Variants in BTK observed in about 807,000 individuals in gnomAD.
BTK encodes the protein tyrosine-protein kinase BTK.
A neutral mutation model predicts 57.4 loss-of-function variants in BTK; 5 were observed. The ratio of observed to expected loss-of-function variants is 0.09; its 90% CI spans 0.05 to 0.18. The LOEUF (loss-of-function observed/expected upper bound fraction) is 0.18. BTK is among the 10% of genes least tolerant of loss of function. The probability of loss-of-function intolerance (pLI) is 1.00; values close to 1 mark genes in which losing one functional copy is unlikely to be tolerated. For synonymous variants in BTK, 154 were observed against 174.3 expected (o/e 0.88, Z 0.92); for missense variants, 194 against 501.2 (o/e 0.39, Z 5.85).
chrX:101,390,722 A>G, upstream of BTK: 1 of 458,831 alleles, frequency 2.2e-6, no homozygotes, highest in Non-Finnish European at 3.8e-6. Flanking sequence ...AGGCCAGAGG[A>G]TCTGGGAAAA....
At chrX:101,378,232 T>C (rs1927281122) in intron 1 of BTK, among the ~76,000 whole-genome samples, 1 of 110,558 alleles carries the variant, frequency 9.0e-6, no homozygotes, top group African/African-American at 3.3e-5. Flanking sequence ...TACAGGCGTG[T>C]GCCACCACAC....
chrX:101,362,868 T>A, intron 5 of BTK, 179 bp from the exon 6 acceptor site: 1 of 584,887 alleles, frequency 1.7e-6, no homozygotes, highest in Non-Finnish European at 2.8e-6. Flanking sequence ...GACTGTGCCC[T>A]GGTCCCAGAC....
chrX:101,349,852 A>G lies in BTK; in HGVS notation c.*33T>C, dbSNP rs1031371864. The stretch of plus-strand genomic sequence containing the variant: ...AAAGTGAAATTGGGGCTTGTGGAGA[A>G]GAGAAGTAGAACCAAGAAGCTTATT... On this transcript the variant is annotated 3_prime_UTR_variant, in exon 19 of 19. Transcript: ENST00000308731. The G allele has an allele frequency of 8.7e-7, 1 of 1,145,947 alleles. No individual in the cohort carries two copies. Among genetic ancestry groups the G allele is most frequent in the Non-Finnish European group, 1.2e-6 (1 of 836,150 alleles). The allele number at this position is 1,145,947 out of a possible 1,213,427, so 94.4% of individuals were successfully genotyped here. A position where few individuals can be genotyped will look rare whatever the true frequency, so the allele number is the denominator to read the frequency against.
chrX:101,373,200 A>G (rs1927092965), intron 3 of BTK, among the ~76,000 whole-genome samples: 1 of 111,825 alleles, frequency 8.9e-6, no homozygotes, highest in South Asian at 3.7e-4. Context: ...ACTTCTAGAA[A>G]ATGAAATAAA....
chrX:101,359,215 A>G, intron 10 of BTK, 78 bp downstream of exon 10: 1 of 1,056,938 alleles, frequency 9.5e-7, no homozygotes, highest in Non-Finnish European at 1.3e-6. Flanking sequence ...GCCCAAAGGT[A>G]GGGGGCAGAA....
chrX:101,360,116 C>T lies in BTK; in HGVS notation c.811G>A (p.Glu271Lys). Residue 271 changes from glutamate to lysine, a missense_variant, in exon 9 of 19, where the codon GAA (glutamate) becomes AAA (lysine). Transcript: ENST00000308731. Reference sequence around the variant, plus strand: ...TACATTTCTATGGAGTCTTCTGCTTCAGTGACATAGTTACTAGGAATGTAG... The same window carrying T: ...TACATTTCTATGGAGTCTTCTGCTTTAGTGACATAGTTACTAGGAATGTAG... ...EGYIPSNYVT[E>K]AEDSIEMYEW... The T allele has an allele frequency of 2.5e-6, 3 of 1,205,916 alleles. No homozygotes were observed. Among genetic ancestry groups the T allele is most frequent in the Non-Finnish European group, 3.4e-6 (3 of 892,326 alleles).
chrX:101,355,880 G>C (rs1926461114), intron 15 of BTK, 172 bp downstream of exon 15: 1 of 527,494 alleles, frequency 1.9e-6, no homozygotes, highest in African/African-American at 2.3e-5. Flanking sequence ...TGAGGCTGGA[G>C]ATATTTGATG....
chrX:101,374,616 C>G lies in BTK; in HGVS notation c.160G>C (p.Gly54Arg). 8.3e-7 allele frequency: 1 copy of G among 1,206,132 alleles called. No homozygotes were observed. Among genetic ancestry groups the G allele is most frequent in the Non-Finnish European group, 1.1e-6 (1 of 890,556 alleles). Residue 54 changes from glycine (G) to arginine (R), a missense_variant, in exon 3 of 19, where the codon GGT becomes CGT. Gly to Arg is a moderately radical substitution (Grantham distance 125, BLOSUM62 -2). Around this residue, in one of 3 missense-constraint regions of BTK, gnomAD observed 115 missense variants for 258.3 expected, o/e 0.45. Coordinates refer to ENST00000308731, the MANE Select transcript of BTK (RefSeq NM_000061.3). Reference protein sequence around the residue: ...FERGRRGSKKGSIDVEKITCV... With the variant: ...FERGRRGSKKRSIDVEKITCV... Reference sequence around the variant, plus strand: ...GTGATCTTCTCAACATCTATTGAACCCTTCTTACTGCCTCTTCTCTGAGAA... The same window carrying G: ...GTGATCTTCTCAACATCTATTGAACGCTTCTTACTGCCTCTTCTCTGAGAA...
intron 1 of BTK, among the ~76,000 whole-genome samples, chrX:101,381,721 T>G (rs963312521): frequency 9.0e-6 from 1 of 111,566 alleles, no homozygotes; most frequent in Non-Finnish European, 1.9e-5. Flanking sequence ...TATACAGTAT[T>G]GGTTTACATG....
chrX:101,374,501 G>T, intron 3 of BTK, 35 bp downstream of exon 3: 1 of 1,102,565 alleles, frequency 9.1e-7, no homozygotes, highest in Non-Finnish European at 1.3e-6. Flanking sequence ...CTTCAAATCT[G>T]CTGTTCCCCA....
chrX:101,367,818 T>A (rs1926909895), intron 5 of BTK, among the ~76,000 whole-genome samples: 2 of 111,408 alleles, frequency 1.8e-5, no homozygotes, highest in African/African-American at 6.5e-5. Context: ...ATTTCCAGAC[T>A]AAAACCTAGC....
chrX:101,371,577 C>T, intron 4 of BTK, 56 bp downstream of exon 4: 2 of 1,041,032 alleles, frequency 1.9e-6, no homozygotes, highest in East Asian at 3.0e-5. Context: ...ACCCCACCAC[C>T]CCTTCTAATT....
At chrX:101,367,515 C>T (rs1308627339) in intron 5 of BTK, among the ~76,000 whole-genome samples, 4 of 103,739 alleles carry the variant, frequency 3.9e-5, no homozygotes, top group Admixed American at 3.2e-4. Flanking sequence ...AGGCGCCTGT[C>T]ATCCCAACTA....
At chrX:101,383,227 G>A (rs972301371) in intron 1 of BTK, among the ~76,000 whole-genome samples, 6 of 110,894 alleles carry the variant, frequency 5.4e-5, no homozygotes, top group African/African-American at 2.0e-4. Flanking sequence ...ATGTATGCAT[G>A]TATGTATGTA....
intron 18 of BTK, among the ~76,000 whole-genome samples, chrX:101,350,638 G>A (rs1031425545): frequency 9.1e-6 from 1 of 109,458 alleles, no homozygotes; most frequent in Admixed American, 9.8e-5. Flanking sequence ...GTATAGACCG[G>A]GTTTCACCAT....
chrX:101,385,808 C>T (rs1374079969), intron 1 of BTK, among the ~76,000 whole-genome samples: 9 of 111,729 alleles, frequency 8.1e-5, no homozygotes, highest in African/African-American at 2.9e-4. Flanking sequence ...GCTACCTGTT[C>T]GGATGGTCAC....
At chrX:101,384,388 G>A (rs1555982222) in intron 1 of BTK, among the ~76,000 whole-genome samples, 2 of 111,684 alleles carry the variant, frequency 1.8e-5, no homozygotes, top group Non-Finnish European at 3.8e-5. Context: ...ACCTGAGGTT[G>A]GGAGTTCGAG....
chrX:101,389,024 A>T (rs1927700580), upstream of BTK, among the ~76,000 whole-genome samples: 1 of 111,606 alleles, frequency 9.0e-6, no homozygotes, highest in Non-Finnish European at 1.9e-5. Context: ...CACTTATAGG[A>T]TGTATAAGCT....
intron 14 of BTK, 137 bp downstream of exon 14, chrX:101,356,647 C>T (rs1390302592): frequency 5.6e-6 from 4 of 708,983 alleles, no homozygotes; most frequent in Admixed American, 4.7e-5. Context: ...TTAGGACTAC[C>T]GCCAGTTAAA....
Sources: allele counts gnomAD v4.1 joint callset (sites outside exome capture counted in the v4.1 genomes callset), GRCh38; gene constraint gnomAD v4.1.1; regional missense constraint gnomAD v4.1.1; transcripts MANE v1.5; gene names NCBI Gene and HGNC (gene_info 2026-07-23, HGNC 2026-07-21).